Variants in CCZ1 observed in about 807,000 individuals in gnomAD.
The protein encoded by CCZ1 is vacuolar fusion protein CCZ1 homolog.
A neutral mutation model predicts 57.8 loss-of-function variants in CCZ1; 19 were observed. The ratio of observed to expected loss-of-function variants is 0.33; its 90% confidence interval spans 0.23 to 0.48. CCZ1 has a LOEUF of 0.48. CCZ1 is among the 20% of genes least tolerant of loss of function. CCZ1 has a pLI of 0.99. For missense variants in CCZ1, 200 were observed against 492.0 expected, an observed-to-expected ratio of 0.41 and a Z score of 5.61; for synonymous variants, 81 against 167.0, an observed-to-expected ratio of 0.49 and a Z score of 3.97.
At chr7:5,914,387 G>C (rs1383466405) in intron 10 of CCZ1, among the ~76,000 whole-genome samples, 3 of 149,058 alleles carry the variant, frequency 2.0e-5, no homozygotes, top group Non-Finnish European at 4.4e-5. Flanking sequence ...AATGAGCTAT[G>C]ATCACACCAC....
chr7:5,908,501 C>G (rs1334503454), intron 7 of CCZ1, among the ~76,000 whole-genome samples: 3 of 148,176 alleles, frequency 2.0e-5, no homozygotes, highest in Non-Finnish European at 4.4e-5. Context: ...GCCTCAGTCT[C>G]CCAAGTAGCT....
At chr7:5,899,594 A>AC (rs1781636492) in intron 1 of CCZ1, among the ~76,000 whole-genome samples, 1 of 65,676 alleles carries the variant, frequency 1.5e-5, no homozygotes, top group South Asian at 6.4e-4. Flanking sequence ...CCCCAACTCT[A>AC]CAAAAAAAAA....
Position 5,901,662 on chromosome 7 carries a change from G to A in CCZ1, c.396G>A (p.Lys132=). The change falls in exon 5 of 15, where the codon AAG becomes AAA. Residue 132 remains lysine (K), a synonymous_variant. Transcript: ENST00000325974. ...CTGTGTTTTCGCGTCTGCAGGACAA[G>A]GTTTATAGCTCGGTGCTGCGGCAGT... is the stretch of plus-strand genomic sequence containing the variant. ...IEYQEEELLD[K]VYSSVLRQCY... 1 of 1,597,692 alleles carries A rather than the reference G, an allele frequency of 6.3e-7. No individual in the cohort carries two copies.
At chr7:5,916,514 TTTTTTGG>T (rs1401884015) in intron 10 of CCZ1, among the ~76,000 whole-genome samples, 3 of 128,154 alleles carry the variant, frequency 2.3e-5, no homozygotes, top group African/African-American at 9.1e-5. Context: ...TGTTTTTTTT[TTTTTTGG>T]TTTTTTGGTT....
At chr7:5,923,154 TA>T (rs1255361261) in intron 12 of CCZ1, among the ~76,000 whole-genome samples, 1 of 106,802 alleles carries the variant, frequency 9.4e-6, no homozygotes, top group Non-Finnish European at 1.9e-5. Flanking sequence ...CCGTCTCTAC[TA>T]AAAATACAAA....
rs374037034 is a variant in CCZ1, at chr7:5,910,452, A to T, written c.780+336A>T. On this transcript the variant is annotated intron_variant, in intron 8 of 14. Transcript: ENST00000325974. ...GCAATTCTCCTTGCCTCGGCCTCCC[A>T]AGTACCTGGGATTACAGGTGCCTGC... is the stretch of plus-strand genomic sequence containing the variant. Among the ~76,000 whole-genome samples, 605 of 148,436 alleles carry T rather than the reference A, an allele frequency of 4.1e-3. 23 individuals are homozygous for T. The highest frequency in any genetic ancestry group is 0.014 in the Middle Eastern group (4 of 288).
At chr7:5,904,774 T>A (rs1781764843) in intron 6 of CCZ1, among the ~76,000 whole-genome samples, 1 of 147,754 alleles carries the variant, frequency 6.8e-6, no homozygotes, top group Non-Finnish European at 1.5e-5. Context: ...GAGCTTGCAG[T>A]GAGCTGAGAT....
chr7:5,906,764 G>A (rs1781836994), intron 7 of CCZ1, among the ~76,000 whole-genome samples: 2 of 150,572 alleles, frequency 1.3e-5, no homozygotes, highest in African/African-American at 2.5e-5. Flanking sequence ...AGAGAAACAA[G>A]TTACTGTAAA....
intron 10 of CCZ1, among the ~76,000 whole-genome samples, chr7:5,915,355 AC>A (rs1483200450): frequency 7.0e-6 from 1 of 142,834 alleles, no homozygotes; most frequent in Non-Finnish European, 1.5e-5. Flanking sequence ...AAAGTTTGAG[AC>A]CCCATCTCAA....
chr7:5,925,506 G>C, intron 14 of CCZ1, 126 bp from the exon 15 acceptor site: 1 of 945,082 alleles, frequency 1.1e-6, no homozygotes, highest in East Asian at 2.6e-5. Flanking sequence ...CTAGTCTTCT[G>C]GGATTTAAGG....
chr7:5,909,358 A>G lies in CCZ1; in HGVS notation c.699-677A>G, dbSNP rs12333342. Among the ~76,000 whole-genome samples, 626 of 150,814 alleles carry G rather than the reference A, an allele frequency of 4.2e-3. 31 individuals carry two copies. Among genetic ancestry groups the G allele is most frequent in the African/African-American group, 0.014 (577 of 40,550 alleles). On this transcript the variant is annotated intron_variant, in intron 7 of 14. Coordinates refer to ENST00000325974, the MANE Select transcript of CCZ1 (RefSeq NM_015622.6). ...GGTGGCTGCAGCAAGCTGTGGTCAC[A>G]CCACTGTAATCCAGCCTGGGCGACA... is the stretch of plus-strand genomic sequence containing the variant.
At chr7:5,917,791 CT>C (rs887189577) in intron 10 of CCZ1, 2 of 55,234 alleles carry the variant, frequency 3.6e-5, no homozygotes, top group African/African-American at 9.0e-5. Context: ...AACTCCTGAC[CT>C]CAGGTGATCC....
chr7:5,912,092 C>G lies in CCZ1; in HGVS notation c.842+170C>G, dbSNP rs543565628. On this transcript the variant is annotated intron_variant, in intron 9 of 14. Transcript: ENST00000325974. ...GCCTCAGCCTCCCAAGTAGCTGGAA[C>G]TACAGGCATGAGCCACTATGCCTGG... 1.6e-4 allele frequency among the ~76,000 whole-genome samples: 24 copies of G among 151,144 alleles called. No individual in the cohort carries two copies. In the South Asian group the frequency reaches 5.0e-3, roughly 32 times the overall value.
In CCZ1 at chr7:5,919,895, C is replaced by T. The variant is rs139249929; in HGVS notation, c.1035C>T (p.Ile345=). The part of the protein sequence containing the change: ...TLDFCRRLDS[I]VGPQLTVLAS... Reference sequence around the variant, plus strand: ...ATTTTTGCCGAAGACTGGACAGCATCGTTGGGCCCCAGCTCACAGTGCTGG... The same window carrying T: ...ATTTTTGCCGAAGACTGGACAGCATTGTTGGGCCCCAGCTCACAGTGCTGG... Residue 345 remains isoleucine, a synonymous_variant, in exon 12 of 15, where the codon ATC becomes ATT. Transcript: ENST00000325974. The T allele has an allele frequency of 9.3e-4, 1,499 of 1,604,846 alleles. 6 individuals are homozygous for T. The highest frequency in any genetic ancestry group is 2.3e-3 in the Middle Eastern group (14 of 5,996).
chr7:5,923,054 C>CA (rs2128615677), intron 12 of CCZ1, among the ~76,000 whole-genome samples: 1 of 130,094 alleles, frequency 7.7e-6, no homozygotes, highest in Admixed American at 7.6e-5. Flanking sequence ...CGCGGGGGCT[C>CA]ACGCCTGTAA....
In CCZ1 at chr7:5,910,078, C is replaced by T; in HGVS notation, c.742C>T (p.Leu248Phe). The change falls in exon 8 of 15, where the codon CTT (leucine) becomes TTT (phenylalanine). Residue 248 changes from leucine (L) to phenylalanine (F), a missense_variant. Leu to Phe is a conservative substitution (Grantham distance 22). Coordinates refer to ENST00000325974, the MANE Select transcript of CCZ1 (RefSeq NM_015622.6). ...TGACATGAGAATTTTATACAAATAC[C>T]TTACCACCTCCCTTTTTCCAAGGCA... ...QDDMRILYKY[L>F]TTSLFPRHIE... 1 of 1,583,068 alleles carries T rather than the reference C, an allele frequency of 6.3e-7. No individual in the cohort carries two copies. The highest frequency in any genetic ancestry group is 8.6e-7 in the Non-Finnish European group (1 of 1,157,578).
intron 3 of CCZ1, 53 bp from the exon 4 acceptor site, chr7:5,900,797 CAAAAT>C (rs1273228237): frequency 6.4e-7 from 1 of 1,553,942 alleles, no homozygotes; most frequent in African/African-American, 1.4e-5. Flanking sequence ...TAAATTAAGG[CAAAAT>C]AAACATGGTC....
chr7:5,911,259 A>C (rs940844143), intron 8 of CCZ1, among the ~76,000 whole-genome samples: 1 of 148,766 alleles, frequency 6.7e-6, no homozygotes, highest in African/African-American at 2.5e-5. Context: ...TCAGAGCTTA[A>C]CATACAAAAA....
At chr7:5,899,594 A>G (rs1781636330) in intron 1 of CCZ1, among the ~76,000 whole-genome samples, 1 of 65,676 alleles carries the variant, frequency 1.5e-5, no homozygotes, top group Admixed American at 1.2e-4. Flanking sequence ...CCCCAACTCT[A>G]CAAAAAAAAA....
Sources: gnomAD v4.1 joint callset for allele counts (sites outside exome capture counted in the v4.1 genomes callset) on GRCh38, gnomAD v4.1.1 for gene constraint, MANE v1.5 for transcripts, NCBI Gene and HGNC (gene_info 2026-07-23, HGNC 2026-07-21) for gene names.